The following MLLT3 variants were observed in gnomAD, a reference collection of about 807,000 sequenced individuals.
MLLT3 encodes MLLT3 super elongation complex subunit.
MLLT3 carries 4 observed loss-of-function variants against 53.2 expected under a neutral mutation model. The ratio of observed to expected loss-of-function variants is 0.08; its 90% confidence interval spans 0.04 to 0.17. MLLT3 has a LOEUF of 0.17. Among genes scored for constraint, MLLT3 ranks in the 10% least tolerant of loss-of-function variants. The probability of loss-of-function intolerance (pLI) is 1.00; values close to 1 mark genes in which losing one functional copy is unlikely to be tolerated. For missense variants in MLLT3, 569 were observed against 684.0 expected, an observed-to-expected ratio of 0.83 and a Z score of 1.87; for synonymous variants, 283 against 230.6, an observed-to-expected ratio of 1.23 and a Z score of -2.06.
intron 5 of MLLT3, among the ~76,000 whole-genome samples, chr9:20,384,981 T>C (rs1008483778): frequency 1.3e-5 from 2 of 152,150 alleles, no homozygotes; most frequent in Admixed American, 1.3e-4. Context: ...TTTGCCTTTT[T>C]AGATCTCATA....
At chr9:20,359,047 A>C (rs1053623947) in intron 8 of MLLT3, among the ~76,000 whole-genome samples, 1 of 146,686 alleles carries the variant, frequency 6.8e-6, no homozygotes, top group African/African-American at 2.5e-5. Flanking sequence ...CGCGGGGCTG[A>C]GGCAGGAGAA....
intron 4 of MLLT3, among the ~76,000 whole-genome samples, chr9:20,429,329 C>T (rs1251223387): frequency 6.6e-6 from 1 of 152,118 alleles, no homozygotes; most frequent in Non-Finnish European, 1.5e-5. Context: ...GACTGCACCA[C>T]TGCACTCCAG....
intron 2 of MLLT3, among the ~76,000 whole-genome samples, chr9:20,610,292 T>A (rs1241938340): frequency 6.6e-6 from 1 of 152,160 alleles, no homozygotes; most frequent in African/African-American, 2.4e-5. Flanking sequence ...TGTGTCTAGC[T>A]TTTCTTTTTA....
chr9:20,479,172 C>A (rs1824601131), intron 2 of MLLT3, among the ~76,000 whole-genome samples: 1 of 152,060 alleles, frequency 6.6e-6, no homozygotes, highest in East Asian at 1.9e-4. Context: ...TTAAATGTTT[C>A]TAATATGACA....
intron 2 of MLLT3, among the ~76,000 whole-genome samples, chr9:20,597,637 G>C (rs1410579729): frequency 6.6e-6 from 1 of 152,094 alleles, no homozygotes; most frequent in Admixed American, 6.6e-5. Flanking sequence ...CTGCAGAGTG[G>C]TGTCATGTAT....
At chr9:20,507,065 A>T (rs1825399495) in intron 2 of MLLT3, among the ~76,000 whole-genome samples, 2 of 152,234 alleles carry the variant, frequency 1.3e-5, no homozygotes, top group South Asian at 4.1e-4. Flanking sequence ...AACCTTTAAC[A>T]AGTAGGCCCT....
At chr9:20,535,844 C>T (rs1261591499) in intron 2 of MLLT3, among the ~76,000 whole-genome samples, 3 of 152,202 alleles carry the variant, frequency 2.0e-5, no homozygotes, top group Non-Finnish European at 2.9e-5. Context: ...TAGGAAGATG[C>T]CCATCCATTT....
chr9:20,351,274 A>T (rs1325271458), intron 10 of MLLT3, among the ~76,000 whole-genome samples: 1 of 152,178 alleles, frequency 6.6e-6, no homozygotes, highest in Non-Finnish European at 1.5e-5. Flanking sequence ...TAAATTGCTA[A>T]ACTACTCTCT....
rs1818617492 is a variant in MLLT3 at position 20,541,073 on chromosome 9, A to ACCAGC, written c.193+79576_193+79580dup. Among the ~76,000 whole-genome samples, 3 of 152,170 alleles carry ACCAGC rather than the reference A, an allele frequency of 2.0e-5. No individual in the cohort carries two copies. In the South Asian group the frequency reaches 6.2e-4, roughly 31 times the overall value. ...ATCTCTAGGGCAGGGGTAAAATGCC[A>ACCAGC]CCAGCCTTTTTGCTAAATTATAGCA... On this transcript the variant is annotated intron_variant, in intron 2 of 10. Transcript: ENST00000380338.
intron 5 of MLLT3, among the ~76,000 whole-genome samples, chr9:20,396,699 T>C (rs898954789): frequency 2.6e-5 from 4 of 151,960 alleles, no homozygotes; most frequent in African/African-American, 7.3e-5. Context: ...GTAGATGCCG[T>C]CAAAGCTGAC....
intron 2 of MLLT3, among the ~76,000 whole-genome samples, chr9:20,606,117 C>T (rs1017455919): frequency 2.0e-5 from 3 of 152,042 alleles, no homozygotes; most frequent in Non-Finnish European, 2.9e-5. Context: ...ACTATCCCTG[C>T]GTATTCTCTA....
At chr9:20,386,546 C>T (rs996137143) in intron 5 of MLLT3, among the ~76,000 whole-genome samples, 2 of 152,138 alleles carry the variant, frequency 1.3e-5, no homozygotes, top group Non-Finnish European at 2.9e-5. Flanking sequence ...ATGAACATTG[C>T]AGAATTGGAT....
chr9:20,411,239 T>C (rs201482880), intron 5 of MLLT3: 3 of 153,154 alleles, frequency 2.0e-5, no homozygotes, highest in East Asian at 3.9e-4. Context: ...CCTGTTCCTT[T>C]TGTCTTGCTG....
In MLLT3 at chr9:20,346,393, A is replaced by G; in HGVS notation, c.*50T>C. ...AAAATCACAACCAAAAAAAAAAAAAACCAAAAAAAAAAAACACAATAGTTC... is the reference window on the plus strand; with the variant it reads ...AAAATCACAACCAAAAAAAAAAAAAGCCAAAAAAAAAAAACACAATAGTTC... On this transcript the variant is annotated 3_prime_UTR_variant, in exon 11 of 11. Transcript: ENST00000380338. 1 of 1,333,826 alleles carries G rather than the reference A, an allele frequency of 7.5e-7. No individual in the cohort carries two copies. Among genetic ancestry groups the G allele is most frequent in the Non-Finnish European group, 1.0e-6 (1 of 1,004,294 alleles). The allele number at this position is 1,333,826 out of a possible 1,614,324, so 82.6% of individuals were successfully genotyped here. A position where few individuals can be genotyped will look rare whatever the true frequency, so the allele number is the denominator to read the frequency against.
At chr9:20,438,314 G>A (rs1455621265) in intron 4 of MLLT3, among the ~76,000 whole-genome samples, 2 of 152,194 alleles carry the variant, frequency 1.3e-5, no homozygotes, top group African/African-American at 4.8e-5. Flanking sequence ...TAGGAAGTGT[G>A]GCCAATGGGA....
intron 10 of MLLT3, 73 bp from the exon 11 acceptor site, chr9:20,346,647 G>A: frequency 7.0e-7 from 1 of 1,429,322 alleles, no homozygotes; most frequent in Non-Finnish European, 9.6e-7. Flanking sequence ...AGTAATGGAG[G>A]GGCGATCAAA....
At chr9:20,364,218 A>G (rs1464979463) in intron 6 of MLLT3, among the ~76,000 whole-genome samples, 1 of 152,240 alleles carries the variant, frequency 6.6e-6, no homozygotes, top group East Asian at 1.9e-4. Flanking sequence ...TTAAGAAATT[A>G]CTGGCACAAT....
intron 5 of MLLT3, among the ~76,000 whole-genome samples, chr9:20,378,051 T>C (rs1821814955): frequency 6.6e-6 from 1 of 152,090 alleles, no homozygotes; most frequent in Non-Finnish European, 1.5e-5. Context: ...TATGTTTACA[T>C]AGATGTGTGT....
chr9:20,521,401 A>T (rs1818053572), intron 2 of MLLT3, among the ~76,000 whole-genome samples: 1 of 152,110 alleles, frequency 6.6e-6, no homozygotes. Flanking sequence ...AAATCAATTG[A>T]GAATTTGTTC....
Sources: allele counts gnomAD v4.1 joint callset (sites outside exome capture counted in the v4.1 genomes callset), GRCh38; gene constraint gnomAD v4.1.1; transcripts MANE v1.5; gene names NCBI Gene and HGNC (gene_info 2026-07-23, HGNC 2026-07-21).